The following FNDC3B variants were observed in gnomAD, a reference collection of about 807,000 sequenced individuals.
FNDC3B encodes fibronectin type III domain-containing protein 3B.
In FNDC3B, 12 loss-of-function variants were observed where a neutral mutation model predicts 151.5. That is an observed-to-expected ratio of 0.08 (90% CI 0.05 to 0.13). The LOEUF is 0.13. FNDC3B is among the 10% of genes least tolerant of loss of function. The pLI, the probability that FNDC3B is intolerant of heterozygous loss-of-function variation, is 1.00. For synonymous variants in FNDC3B, 528 were observed against 549.0 expected (o/e 0.96, Z 0.54); for missense variants, 1,214 against 1,505.3 (o/e 0.81, Z 3.20).
chr3:172,333,988 C>T lies in FNDC3B; in HGVS notation c.1641+813C>T, dbSNP rs573009329. Among the ~76,000 whole-genome samples the T allele has an allele frequency of 4.6e-5, 7 of 151,188 alleles. No homozygotes were observed. In the South Asian group the frequency reaches 6.4e-4, roughly 14 times the overall value. ...AGCCAAAAAAGTGAATATGACTTTACGATCACTAAGAGATCAAAACGATAT... is the reference window on the plus strand; with the variant it reads ...AGCCAAAAAAGTGAATATGACTTTATGATCACTAAGAGATCAAAACGATAT... On this transcript the variant is annotated intron_variant, in intron 14 of 25. Transcript: ENST00000415807.
chr3:172,380,936 T>C (rs1240700002), intron 24 of FNDC3B, 30 bp from the exon 25 acceptor site: 2 of 1,609,800 alleles, frequency 1.2e-6, no homozygotes, highest in Non-Finnish European at 1.7e-6. Context: ...CTTTGAATTT[T>C]GAGCTTGGAT....
intron 25 of FNDC3B, among the ~76,000 whole-genome samples, chr3:172,384,171 T>G (rs1349534348): frequency 3.9e-5 from 6 of 152,250 alleles, no homozygotes; most frequent in African/African-American, 1.2e-4. Flanking sequence ...TGTACTTTGT[T>G]AATATGATGT....
In FNDC3B at chr3:172,221,688, TA is replaced by T. The variant is rs992716311; in HGVS notation, c.188-5171del. Among the ~76,000 whole-genome samples, 1,415 of 145,326 alleles carry T rather than the reference TA, an allele frequency of 9.7e-3. 10 individuals carry two copies. The highest frequency in any genetic ancestry group is 0.013 in the Admixed American group (194 of 14,624). ...TGGGATTAATCAGTGTTGAATAATT[TA>T]AAAAAAAAAAAGAATGTCAAGGCTA... On this transcript the variant is annotated intron_variant, in intron 3 of 25. Transcript: ENST00000415807.
intron 3 of FNDC3B, among the ~76,000 whole-genome samples, chr3:172,220,880 A>G (rs2108731052): frequency 6.6e-6 from 1 of 152,298 alleles, no homozygotes; most frequent in South Asian, 2.1e-4. Context: ...CTTGAGCCCC[A>G]GGAGTTTGAG....
rs1005287231 is a variant in FNDC3B at position 172,117,275 on chromosome 3, AG to A, written c.111+4687del. ...ATACTATTGTTGAGTTATAAAAATC[AG>A]GTTTCAACCTGAGTTTTTAATGTGT... On this transcript the variant is annotated intron_variant, in intron 2 of 25. Coordinates refer to ENST00000415807, the MANE Select transcript of FNDC3B (RefSeq NM_022763.4). Among the ~76,000 whole-genome samples the A allele has an allele frequency of 7.9e-5, 12 of 152,198 alleles. No individual in the cohort carries two copies. In the South Asian group the frequency reaches 1.2e-3, roughly 16 times the overall value.
intron 9 of FNDC3B, among the ~76,000 whole-genome samples, chr3:172,303,723 G>A (rs1361310023): frequency 2.1e-5 from 2 of 96,168 alleles, no homozygotes; most frequent in Admixed American, 1.9e-4. Flanking sequence ...TTGCCATTAT[G>A]TGGAAAAAAA....
intron 3 of FNDC3B, among the ~76,000 whole-genome samples, chr3:172,205,303 G>C (rs916149498): frequency 6.6e-6 from 1 of 152,200 alleles, no homozygotes; most frequent in Non-Finnish European, 1.5e-5. Context: ...GACAGTTGGG[G>C]TAGGAGAGGG....
intron 23 of FNDC3B, among the ~76,000 whole-genome samples, chr3:172,365,030 A>G (rs1211571268): frequency 6.6e-6 from 1 of 152,238 alleles, no homozygotes; most frequent in Non-Finnish European, 1.5e-5. Flanking sequence ...TAGTTTGAAG[A>G]TGACCTTCCT....
chr3:172,251,916 T>A (rs1040195050), intron 6 of FNDC3B, among the ~76,000 whole-genome samples: 2 of 152,226 alleles, frequency 1.3e-5, no homozygotes, highest in African/African-American at 4.8e-5. Context: ...TCAAAATAAT[T>A]ATACCTCATA....
intron 3 of FNDC3B, among the ~76,000 whole-genome samples, chr3:172,139,825 C>G (rs573092340): frequency 6.6e-5 from 10 of 151,642 alleles, no homozygotes; most frequent in South Asian, 2.1e-4. Context: ...CAGACTTGCT[C>G]TGTCACCCAG....
chr3:172,315,650 C>T (rs1731742532), intron 11 of FNDC3B, among the ~76,000 whole-genome samples: 1 of 152,170 alleles, frequency 6.6e-6, no homozygotes, highest in South Asian at 2.1e-4. Flanking sequence ...GTCTTTTTCA[C>T]TTGAACGTTA....
chr3:172,230,221 C>T (rs34124854), intron 4 of FNDC3B, among the ~76,000 whole-genome samples: 38,940 of 151,834 alleles, frequency 0.26, 5,149 homozygotes, highest in East Asian at 0.44. Flanking sequence ...GGCCTGGGAC[C>T]GTGGCTCACG....
chr3:172,374,123 G>A (rs752575889), intron 23 of FNDC3B, among the ~76,000 whole-genome samples: 13 of 152,138 alleles, frequency 8.5e-5, no homozygotes, highest in South Asian at 2.1e-4. Context: ...GGCAGGACCC[G>A]CCTGAGGGAG....
At chr3:172,327,188 C>G (rs1221299428) in intron 11 of FNDC3B, among the ~76,000 whole-genome samples, 1 of 152,196 alleles carries the variant, frequency 6.6e-6, no homozygotes, top group Non-Finnish European at 1.5e-5. Flanking sequence ...CAAGGAGCAA[C>G]TGAGAAATGT....
intron 25 of FNDC3B, among the ~76,000 whole-genome samples, chr3:172,381,441 T>G (rs1735430540): frequency 1.3e-5 from 2 of 151,992 alleles, no homozygotes; most frequent in Admixed American, 6.6e-5. Context: ...AGGGAAGTAG[T>G]CTCTTTTTTT....
At chr3:172,303,011 T>C (rs1303318463) in intron 9 of FNDC3B, 1 of 104,182 alleles carries the variant, frequency 9.6e-6, no homozygotes, top group Non-Finnish European at 1.8e-5. Flanking sequence ...ATATTTTAAA[T>C]ACTTATATAT....
intron 25 of FNDC3B, among the ~76,000 whole-genome samples, chr3:172,392,956 C>T (rs1184328705): frequency 2.6e-5 from 4 of 151,810 alleles, no homozygotes; most frequent in African/African-American, 9.7e-5. Context: ...GCATATGCCA[C>T]CCTACCTGGC....
At chr3:172,373,262 T>C (rs867082656) in intron 23 of FNDC3B, among the ~76,000 whole-genome samples, 10 of 152,334 alleles carry the variant, frequency 6.6e-5, no homozygotes, top group Admixed American at 5.2e-4. Flanking sequence ...ATCTCCTCCC[T>C]TCCCCAGGGT....
intron 4 of FNDC3B, 162 bp downstream of exon 4, chr3:172,227,109 C>T (rs560694390): frequency 8.9e-6 from 5 of 564,476 alleles, no homozygotes; most frequent in South Asian, 8.8e-5. Flanking sequence ...TTGTGTCTTG[C>T]CACTTGACGT....
Sources: gnomAD v4.1 joint callset for allele counts (sites outside exome capture counted in the v4.1 genomes callset) on GRCh38, gnomAD v4.1.1 for gene constraint, MANE v1.5 for transcripts, NCBI Gene and HGNC (gene_info 2026-07-23, HGNC 2026-07-21) for gene names.